Variants in MALSU1 observed in about 807,000 individuals in gnomAD.
MALSU1 encodes the protein mitochondrial assembly of ribosomal large subunit protein 1.
Under a neutral mutation model 22.1 loss-of-function variants are expected in MALSU1, and 22 were observed. That is an observed-to-expected ratio of 1.00 (90% CI 0.71 to 1.42). The LOEUF is 1.42. MALSU1 is among the 40% of genes most tolerant of loss of function. The pLI is 0.00. For synonymous variants in MALSU1, 153 were observed against 118.5 expected, an observed-to-expected ratio of 1.29 and a Z score of -1.89; for missense variants, 379 against 308.3, an observed-to-expected ratio of 1.23 and a Z score of -1.72.
At chr7:23,309,183 A>G (rs1371516520) in intron 3 of MALSU1, among the ~76,000 whole-genome samples, 173 bp from the exon 4 acceptor site, 1 of 152,246 alleles carries the variant, frequency 6.6e-6, no homozygotes, top group Admixed American at 6.5e-5. Flanking sequence ...TGAGAAAGGC[A>G]TAGCATCACT....
intron 3 of MALSU1, among the ~76,000 whole-genome samples, chr7:23,308,993 TACAA>T (rs984855522): frequency 1.3e-5 from 2 of 152,208 alleles, no homozygotes; most frequent in Non-Finnish European, 2.9e-5. Context: ...ATATTCACGA[TACAA>T]ACATTCTTGG....
intron 2 of MALSU1, among the ~76,000 whole-genome samples, chr7:23,301,724 A>C (rs567037323): frequency 1.2e-4 from 18 of 152,316 alleles, no homozygotes; most frequent in Non-Finnish European, 2.4e-4. Flanking sequence ...TAATCCCAGC[A>C]CTTTGGAAGG....
Position 23,311,403 on chromosome 7 carries a change from T to C in MALSU1, c.*1860T>C, listed in dbSNP as rs1270233007. Reference sequence around the variant, plus strand: ...AGCATTTATTATGCATTCAATCATGTAGCTAAACAAAAAACTGAAGTCTCC... The same window carrying C: ...AGCATTTATTATGCATTCAATCATGCAGCTAAACAAAAAACTGAAGTCTCC... On this transcript the variant is annotated 3_prime_UTR_variant, in exon 4 of 4. Transcript: ENST00000466681. 6.6e-6 allele frequency: 1 copy of C among 152,652 alleles called. No individual in the cohort carries two copies. The highest frequency in any genetic ancestry group is 1.9e-4 in the East Asian group (1 of 5,200). 9.5% of individuals were successfully genotyped at this position (152,652 alleles called of 1,614,324 possible). A position where few individuals can be genotyped will look rare whatever the true frequency, so the allele number is the denominator to read the frequency against.
Position 23,311,277 on chromosome 7 carries a change from TC to T in MALSU1, c.*1736del, listed in dbSNP as rs1188622626. ...CTGAAGTGTAGTGGCAAACTAAGCA[TC>T]CTATAAGACAAGCTAAAGCTTGCTT... On this transcript the variant is annotated 3_prime_UTR_variant, in exon 4 of 4. Coordinates refer to ENST00000466681, the MANE Select transcript of MALSU1 (RefSeq NM_138446.2). The T allele has an allele frequency of 6.6e-6, 1 of 152,526 alleles. No individual in the cohort carries two copies. 9.4% of individuals were successfully genotyped at this position (152,526 alleles called of 1,614,324 possible).
In MALSU1 at chr7:23,299,405, G is replaced by A. The variant is rs776436713; in HGVS notation, c.53G>A (p.Arg18Lys). Residue 18 changes from arginine (R) to lysine (K), a missense_variant, in exon 1 of 4, where the codon AGG becomes AAG. Physicochemically the swap from Arg to Lys is conservative, Grantham distance 26. Transcript: ENST00000466681. ...CTGCTCGCCCCACTAATGTGGCGCA[G>A]GGCGGTTTCCTCGGTGGCGGGGTCC... Reference protein sequence around the residue: ...ARLLAPLMWRRAVSSVAGSAV... With the variant: ...ARLLAPLMWRKAVSSVAGSAV... The A allele has an allele frequency of 1.4e-5, 22 of 1,599,782 alleles. No individual in the cohort carries two copies. Among genetic ancestry groups the A allele is most frequent in the South Asian group, 8.8e-5 (8 of 90,566 alleles).
At chr7:23,299,698 G>T (rs1377825228) in intron 1 of MALSU1, 90 bp downstream of exon 1, 2 of 1,407,288 alleles carry the variant, frequency 1.4e-6, no homozygotes, top group Non-Finnish European at 9.5e-7. Context: ...CCCTCTATGT[G>T]CATTTCTCTT....
At position 23,299,578 on chromosome 7, in the gene MALSU1, A is replaced by G. The variant is rs1469961115; in HGVS notation, c.226A>G (p.Asn76Asp). The change falls in exon 1 of 4, where the codon AAC (asparagine) becomes GAC (aspartate). Residue 76 changes from asparagine to aspartate, a missense_variant. Transcript: ENST00000466681. ...GLEERAEGTV[N>D]EGRPESDAAD... The stretch of plus-strand genomic sequence containing the variant: ...GGAGGAGCGGGCGGAGGGGACGGTC[A>G]ACGAGGGACGCCCAGAATCGGACGC... 3 of 1,601,328 alleles carry G rather than the reference A, an allele frequency of 1.9e-6. No homozygotes were observed. The highest frequency in any genetic ancestry group is 2.6e-6 in the Non-Finnish European group (3 of 1,174,362).
rs1278081946 is a variant in MALSU1 at position 23,307,834 on chromosome 7, C to T, written c.436-34C>T. The T allele has an allele frequency of 3.4e-6, 5 of 1,459,846 alleles. No homozygotes were observed. The African/African-American group carries it at 7.0e-5, about 21-fold the overall frequency. 90.4% of individuals were successfully genotyped at this position (1,459,846 alleles called of 1,614,324 possible). A position where few individuals can be genotyped will look rare whatever the true frequency, so the allele number is the denominator to read the frequency against. The stretch of plus-strand genomic sequence containing the variant: ...AGCAAGAACAGGCTTCCCCCATCCC[C>T]TCTCCCTTTAATAAACCACCTGGCT... On this transcript the variant is annotated intron_variant, in intron 2 of 3. Coordinates refer to ENST00000466681, the MANE Select transcript of MALSU1 (RefSeq NM_138446.2).
In MALSU1 at chr7:23,299,394, A is replaced by G. The variant is rs1347248154; in HGVS notation, c.42A>G (p.Leu14=). The G allele has an allele frequency of 1.9e-6, 3 of 1,596,868 alleles. No individual in the cohort carries two copies. Among genetic ancestry groups the G allele is most frequent in the East Asian group, 2.2e-5 (1 of 44,688 alleles). ...GTGTGGCGCGGCTGCTCGCCCCACT[A>G]ATGTGGCGCAGGGCGGTTTCCTCGG... is the stretch of plus-strand genomic sequence containing the variant. ...GGRVARLLAP[L]MWRRAVSSVA... Residue 14 remains leucine (L), a synonymous_variant, in exon 1 of 4, where the codon CTA becomes CTG. Coordinates refer to ENST00000466681, the MANE Select transcript of MALSU1 (RefSeq NM_138446.2).
At chr7:23,305,305 A>G (rs1238357949) in intron 2 of MALSU1, among the ~76,000 whole-genome samples, 1 of 151,764 alleles carries the variant, frequency 6.6e-6, no homozygotes, top group African/African-American at 2.4e-5. Flanking sequence ...GCTTTGTTCT[A>G]AGTTTTGAAA....
At chr7:23,302,996 C>T (rs571829816) in intron 2 of MALSU1, among the ~76,000 whole-genome samples, 12 of 152,226 alleles carry the variant, frequency 7.9e-5, no homozygotes, top group African/African-American at 1.4e-4. Context: ...AGGCTGGTCT[C>T]AAACTCCTGA....
rs1434678024 is a variant in MALSU1 at position 23,311,477 on chromosome 7, T to TA, written c.*1935dup. On this transcript the variant is annotated 3_prime_UTR_variant, in exon 4 of 4. Transcript: ENST00000466681. ...CCAAAATCTCCTGCGACCACTTTGT[T>TA]AGTACCGTCAAAAACTTTCCCAACT... The TA allele has an allele frequency of 1.3e-5, 2 of 152,576 alleles. No homozygotes were observed. Among genetic ancestry groups the TA allele is most frequent in the Non-Finnish European group, 2.9e-5 (2 of 68,038 alleles). 9.5% of individuals were successfully genotyped at this position (152,576 alleles called of 1,614,324 possible).
Position 23,311,011 on chromosome 7 carries a change from A to G in MALSU1, c.*1468A>G, listed in dbSNP as rs1783812549. 1 of 152,174 alleles carries G rather than the reference A, an allele frequency of 6.6e-6. No homozygotes were observed. The highest frequency in any genetic ancestry group is 1.5e-5 in the Non-Finnish European group (1 of 68,038). The allele number at this position is 152,174 out of a possible 1,614,324, so 9.4% of individuals were successfully genotyped here. A position where few individuals can be genotyped will look rare whatever the true frequency, so the allele number is the denominator to read the frequency against. On this transcript the variant is annotated 3_prime_UTR_variant, in exon 4 of 4. Transcript: ENST00000466681. ...TTCACAGTCATTCAAATTATATCCC[A>G]AAAACTTTTCTTGTATTCTCTATCT...
At chr7:23,307,797 A>G in intron 2 of MALSU1, 71 bp from the exon 3 acceptor site, 1 of 954,768 alleles carries the variant, frequency 1.0e-6, no homozygotes, top group Non-Finnish European at 1.6e-6. Flanking sequence ...CAAACAAAAA[A>G]AAAAGACCTT....
In MALSU1 at chr7:23,309,546, T is replaced by C. The variant is rs780917230; in HGVS notation, c.*3T>C. On this transcript the variant is annotated 3_prime_UTR_variant, in exon 4 of 4. Transcript: ENST00000466681. ...CAGTGGAGTTAAAATGTGAATAAAA[T>C]ATTTTATGCACTGCGTTAGTCATTT... The C allele has an allele frequency of 7.5e-6, 12 of 1,590,034 alleles. No homozygotes were observed. In the Admixed American group the frequency reaches 1.5e-4, roughly 19 times the overall value.
At position 23,310,889 on chromosome 7, in the gene MALSU1, G is replaced by A. The variant is rs1783808115; in HGVS notation, c.*1346G>A. On this transcript the variant is annotated 3_prime_UTR_variant, in exon 4 of 4. Coordinates refer to ENST00000466681, the MANE Select transcript of MALSU1 (RefSeq NM_138446.2). ...TCAAAAAATCAATTCAGAGAGCAGCGTGGCCTTGGAGACCACCCACACCCA... is the reference window on the plus strand; with the variant it reads ...TCAAAAAATCAATTCAGAGAGCAGCATGGCCTTGGAGACCACCCACACCCA... 1.3e-5 allele frequency: 2 copies of A among 151,996 alleles called. No homozygotes were observed. The highest frequency in any genetic ancestry group is 2.1e-4 in the South Asian group (1 of 4,822). 9.4% of individuals were successfully genotyped at this position (151,996 alleles called of 1,614,324 possible).
At chr7:23,299,806 G>T (rs902516230) in intron 1 of MALSU1, among the ~76,000 whole-genome samples, 198 bp downstream of exon 1, 33 of 152,316 alleles carry the variant, frequency 2.2e-4, no homozygotes, top group African/African-American at 7.5e-4. Flanking sequence ...GAGGGCAAGA[G>T]ATGAACTGCA....
intron 2 of MALSU1, 196 bp from the exon 3 acceptor site, chr7:23,307,670 GGA>G (rs1194850108): frequency 1.6e-5 from 8 of 511,024 alleles, no homozygotes; most frequent in African/African-American, 1.4e-4. Context: ...GGAGAATTCA[GGA>G]GAGAGGTGAA....
intron 2 of MALSU1, among the ~76,000 whole-genome samples, chr7:23,301,776 C>T (rs980882170): frequency 7.9e-5 from 12 of 152,216 alleles, no homozygotes; most frequent in African/African-American, 2.6e-4. Flanking sequence ...CAAGACCATC[C>T]TGGCCAACAT....
Sources: allele counts gnomAD v4.1 joint callset (sites outside exome capture counted in the v4.1 genomes callset), GRCh38; gene constraint gnomAD v4.1.1; transcripts MANE v1.5; gene names NCBI Gene and HGNC (gene_info 2026-07-23, HGNC 2026-07-21).